Variants in CACNA2D4 observed in about 807,000 individuals in gnomAD.
The protein encoded by CACNA2D4 is calcium voltage-gated channel auxiliary subunit alpha2delta 4, also known as voltage-dependent calcium channel subunit alpha-2/delta-4.
A neutral mutation model predicts 163.8 loss-of-function variants in CACNA2D4; 157 were observed. That is an observed-to-expected ratio of 0.96 (90% confidence interval 0.84 to 1.09). CACNA2D4 has a LOEUF of 1.09. CACNA2D4 is among the 50% of genes least tolerant of loss of function. The pLI is 0.00. For synonymous variants in CACNA2D4, 598 were observed against 586.9 expected (o/e 1.02, Z -0.27); for missense variants, 1,410 against 1,479.9 (o/e 0.95, Z 0.78).
rs1863018984 is a variant in CACNA2D4, at chr12:1,793,013, A to G, written c.*642T>C. 1 of 152,244 alleles carries G rather than the reference A, an allele frequency of 6.6e-6. No homozygotes were observed. The highest frequency in any genetic ancestry group is 2.4e-5 in the African/African-American group (1 of 41,416). 9.4% of individuals were successfully genotyped at this position (152,244 alleles called of 1,614,324 possible). A position where few individuals can be genotyped will look rare whatever the true frequency, so the allele number is the denominator to read the frequency against. On this transcript the variant is annotated 3_prime_UTR_variant, in exon 38 of 38. Transcript: ENST00000382722. ...GGGGACATCACGTGTAGCCCTGTCGATATTTCCTGAATGGATTTCATTCCT... is the reference window on the plus strand; with the variant it reads ...GGGGACATCACGTGTAGCCCTGTCGGTATTTCCTGAATGGATTTCATTCCT...
intron 37 of CACNA2D4, chr12:1,794,924 C>G: frequency 2.3e-6 from 1 of 427,738 alleles, no homozygotes; most frequent in African/African-American, 2.0e-5. Context: ...CTCATCCTGT[C>G]TAGGGCCCCC....
Position 1,797,760 on chromosome 12 carries a change from C to T in CACNA2D4, c.2996-225G>A. ...TTGGCACGGGGAGCGCCGCAGGGGC[C>T]CTGAGCCTCGGTGGAGGGAAAGCGC... On this transcript the variant is annotated intron_variant, in intron 34 of 37. Coordinates refer to ENST00000382722, the MANE Select transcript of CACNA2D4 (RefSeq NM_172364.5). 5 of 589,018 alleles carry T rather than the reference C, an allele frequency of 8.5e-6. No homozygotes were observed. In the South Asian group the frequency reaches 9.9e-5, roughly 12 times the overall value. 36.5% of individuals were successfully genotyped at this position (589,018 alleles called of 1,614,324 possible). A position where few individuals can be genotyped will look rare whatever the true frequency, so the allele number is the denominator to read the frequency against.
chr12:1,913,985 G>A (rs1461535836), intron 2 of CACNA2D4, among the ~76,000 whole-genome samples: 1 of 152,222 alleles, frequency 6.6e-6, no homozygotes, highest in Non-Finnish European at 1.5e-5. Flanking sequence ...GCATAGGAGC[G>A]TGCTGTGAGG....
intron 25 of CACNA2D4, among the ~76,000 whole-genome samples, chr12:1,841,481 A>C (rs1865024331): frequency 6.6e-6 from 1 of 152,158 alleles, no homozygotes; most frequent in South Asian, 2.1e-4. Flanking sequence ...AGGCCACCAT[A>C]GGTGCACAGT....
At chr12:1,795,233 C>T (rs1302208918) in intron 37 of CACNA2D4, 66 bp downstream of exon 37, 2 of 1,458,030 alleles carry the variant, frequency 1.4e-6, no homozygotes, top group Non-Finnish European at 9.5e-7. Context: ...TGCAGGGGCA[C>T]AGACCCAGGC....
chr12:1,884,419 T>A, intron 11 of CACNA2D4, 98 bp from the exon 12 acceptor site: 1 of 977,544 alleles, frequency 1.0e-6, no homozygotes, highest in Non-Finnish European at 1.6e-6. Context: ...CCCCAGTGCC[T>A]CTCAGTCTTC....
chr12:1,853,208 C>T (rs1865324441), intron 23 of CACNA2D4, among the ~76,000 whole-genome samples: 1 of 152,198 alleles, frequency 6.6e-6, no homozygotes, highest in South Asian at 2.1e-4. Context: ...CTATATAATC[C>T]ACACAAATAC....
rs532757608 is a variant in CACNA2D4, at chr12:1,840,792, G to A, written c.2498C>T (p.Thr833Met). 72 of 1,613,864 alleles carry A rather than the reference G, an allele frequency of 4.5e-5. No individual in the cohort carries two copies. Among genetic ancestry groups the A allele is most frequent in the African/African-American group, 1.5e-4 (11 of 75,050 alleles). Residue 833 changes from threonine to methionine, a missense_variant, in exon 26 of 38, where the codon ACG becomes ATG. Transcript: ENST00000382722. ...GGTCACCGCCACAGCTGTGCTTGCCGTCACCACCATGGGTTCACCCGCACT... is the reference window on the plus strand; with the variant it reads ...GGTCACCGCCACAGCTGTGCTTGCCATCACCACCATGGGTTCACCCGCACT... ...PESAGEPMVV[T>M]ASTAVAVTVD...
intron 26 of CACNA2D4, among the ~76,000 whole-genome samples, chr12:1,817,917 A>G (rs1243394770): frequency 2.0e-5 from 3 of 151,348 alleles, no homozygotes. Context: ...CCGTCTGGGA[A>G]GTGAGGAGCG....
chr12:1,896,654 C>CACACACAAAA (rs1555186444), intron 6 of CACNA2D4, among the ~76,000 whole-genome samples: 27 of 123,902 alleles, frequency 2.2e-4, no homozygotes, highest in African/African-American at 8.0e-4. Context: ...CACACACACA[C>CACACACAAAA]AAAACAGATG....
chr12:1,794,907 G>A lies in CACNA2D4; in HGVS notation c.3309+392C>T, dbSNP rs577288092. On this transcript the variant is annotated intron_variant, in intron 37 of 37. Transcript: ENST00000382722. ...TAATCCTAACTTGGTGTTTCCTGTG[G>A]CCAGCTCTCATCCTGTCTAGGGCCC... is the stretch of plus-strand genomic sequence containing the variant. Among the ~76,000 whole-genome samples the A allele has an allele frequency of 3.2e-4, 49 of 152,148 alleles. No homozygotes were observed. In the South Asian group the frequency reaches 9.8e-3, roughly 30 times the overall value.
At position 1,830,471 on chromosome 12, in the gene CACNA2D4, C is replaced by T. The variant is rs544515915; in HGVS notation, c.2551+10268G>A. Among the ~76,000 whole-genome samples the T allele has an allele frequency of 1.7e-4, 26 of 152,358 alleles. No homozygotes were observed. In the South Asian group the frequency reaches 5.4e-3, roughly 32 times the overall value. The stretch of plus-strand genomic sequence containing the variant: ...CAGCCTGGCCATTTTCCCTGGGAAA[C>T]AAACTCTGTCCCAGCAGTGACACTG... On this transcript the variant is annotated intron_variant, in intron 26 of 37. Transcript: ENST00000382722.
At chr12:1,901,758 CA>C (rs1866542448) in intron 6 of CACNA2D4, among the ~76,000 whole-genome samples, 1 of 151,822 alleles carries the variant, frequency 6.6e-6, no homozygotes, top group Non-Finnish European at 1.5e-5. Context: ...TGAATTTTAC[CA>C]AAAATTTAAA....
intron 23 of CACNA2D4, among the ~76,000 whole-genome samples, chr12:1,853,311 C>T (rs959039098): frequency 6.6e-6 from 1 of 152,116 alleles, no homozygotes; most frequent in Non-Finnish European, 1.5e-5. Context: ...GAGACTGTCC[C>T]TATAAAATTC....
At chr12:1,807,809 G>T (rs894627491) in intron 29 of CACNA2D4, among the ~76,000 whole-genome samples, 1 of 152,148 alleles carries the variant, frequency 6.6e-6, no homozygotes, top group African/African-American at 2.4e-5. Context: ...TGATCACAGT[G>T]GGGGAGCAAG....
chr12:1,825,027 C>T (rs945990646), intron 26 of CACNA2D4, among the ~76,000 whole-genome samples: 4 of 152,234 alleles, frequency 2.6e-5, no homozygotes, highest in Admixed American at 2.6e-4. Flanking sequence ...GTTTTCATCA[C>T]ATTTCTCTAA....
chr12:1,850,045 AT>A (rs556026415), intron 23 of CACNA2D4, among the ~76,000 whole-genome samples: 306 of 152,210 alleles, frequency 2.0e-3, no homozygotes, highest in African/African-American at 7.1e-3. Flanking sequence ...TCATAGGTAC[AT>A]TTTTTTCATA....
At chr12:1,824,220 G>C (rs1057406661) in intron 26 of CACNA2D4, among the ~76,000 whole-genome samples, 1 of 152,142 alleles carries the variant, frequency 6.6e-6, no homozygotes, top group African/African-American at 2.4e-5. Context: ...AGAGGTGCCC[G>C]GCCTAGTCGT....
In CACNA2D4 at chr12:1,799,674, C is replaced by G; in HGVS notation, c.2995+1G>C. The G allele has an allele frequency of 6.4e-7, 1 of 1,570,232 alleles. No individual in the cohort carries two copies. The highest frequency in any genetic ancestry group is 8.6e-7 in the Non-Finnish European group (1 of 1,157,948). Reference sequence around the variant, plus strand: ...GGGATGGCCTCAGCTGGGCTACTTACAGTGATGGAAGACACTTTTGGCTGG... The same window carrying G: ...GGGATGGCCTCAGCTGGGCTACTTAGAGTGATGGAAGACACTTTTGGCTGG... On this transcript the variant is annotated splice_donor_variant, in intron 34 of 37. Coordinates refer to ENST00000382722, the MANE Select transcript of CACNA2D4 (RefSeq NM_172364.5). LOFTEE classifies it high-confidence loss of function. This position sits in a 1 kb window ranked among gnomAD's most constrained non-coding sequence, Gnocchi z 4.7.
Sources: allele counts gnomAD v4.1 joint callset (sites outside exome capture counted in the v4.1 genomes callset), GRCh38; gene constraint gnomAD v4.1.1; non-coding constraint Gnocchi (gnomAD v3.1); transcripts MANE v1.5; gene names NCBI Gene and HGNC (gene_info 2026-07-23, HGNC 2026-07-21).